Variants in OR5H1 observed in about 807,000 individuals in gnomAD.
OR5H1 encodes olfactory receptor 5H1.
For missense variants in OR5H1, 378 were observed against 366.8 expected, an observed-to-expected ratio of 1.03 and a Z score of -0.25; for synonymous variants, 124 against 134.4, an observed-to-expected ratio of 0.92 and a Z score of 0.54.
rs950867043 is a variant in OR5H1, at chr3:98,137,552, G to A, written c.*3913G>A. 2.6e-5 allele frequency: 4 copies of A among 152,166 alleles called. No individual in the cohort carries two copies. The highest frequency in any genetic ancestry group is 9.7e-5 in the African/African-American group (4 of 41,450). 9.4% of individuals were successfully genotyped at this position (152,166 alleles called of 1,614,324 possible). On this transcript the variant is annotated 3_prime_UTR_variant, in exon 2 of 2. Coordinates refer to ENST00000641874, the MANE Select transcript of OR5H1 (RefSeq NM_001005338.2). ...ATATACAATTTCATAATTCCTAGAA[G>A]TATGTGCTTTCCCATTATATAATTT... is the stretch of plus-strand genomic sequence containing the variant.
At position 98,133,455 on chromosome 3, in the gene OR5H1, G is replaced by A; in HGVS notation, c.758G>A (p.Gly253Glu). 2 of 1,612,954 alleles carry A rather than the reference G, an allele frequency of 1.2e-6. No homozygotes were observed. The highest frequency in any genetic ancestry group is 1.1e-5 in the South Asian group (1 of 91,044). The change falls in exon 2 of 2, where the codon GGA becomes GAA. Residue 253 changes from glycine (G) to glutamate (E), a missense_variant. Gly to Glu is a moderately conservative substitution (Grantham distance 98). Coordinates refer to ENST00000641874, the MANE Select transcript of OR5H1 (RefSeq NM_001005338.2). ...CTCTTCTCTGTCTCTTTATACTATG[G>A]ACCCCTTCTCTTCATTTATGTGGGC... ...AHLFSVSLYYGPLLFIYVGPA... is the reference protein window; with the variant it reads ...AHLFSVSLYYEPLLFIYVGPA...
rs1337948651 is a variant in OR5H1 at position 98,136,038 on chromosome 3, C to A, written c.*2399C>A. 1.3e-5 allele frequency: 2 copies of A among 152,166 alleles called. No homozygotes were observed. Among genetic ancestry groups the A allele is most frequent in the Non-Finnish European group, 2.9e-5 (2 of 68,010 alleles). The allele number at this position is 152,166 out of a possible 1,614,324, so 9.4% of individuals were successfully genotyped here. On this transcript the variant is annotated 3_prime_UTR_variant, in exon 2 of 2. Transcript: ENST00000641874. Reference sequence around the variant, plus strand: ...GACATTTATATCAAGTTGTCCAGCCCTAGCTTGTAGCGCTTCAGGAATAGG... The same window carrying A: ...GACATTTATATCAAGTTGTCCAGCCATAGCTTGTAGCGCTTCAGGAATAGG...
Position 98,132,998 on chromosome 3 carries a change from T to C in OR5H1, c.301T>C (p.Phe101Leu), listed in dbSNP as rs1336141756. The C allele has an allele frequency of 6.2e-7, 1 of 1,613,532 alleles. No individual in the cohort carries two copies. The highest frequency in any genetic ancestry group is 8.5e-7 in the Non-Finnish European group (1 of 1,179,622). ...MISLSECKIQ[F>L]FSFAISVTTE... ...ATCTCTCTCTGAATGCAAGATACAG[T>C]TTTTTTCGTTTGCAATCAGTGTAAC... Residue 101 changes from phenylalanine to leucine, a missense_variant, in exon 2 of 2, where the codon TTT (phenylalanine) becomes CTT (leucine). By Grantham distance (22) the Phe-to-Leu change is conservative. Transcript: ENST00000641874.
rs1195780153 is a variant in OR5H1 at position 98,136,190 on chromosome 3, G to A, written c.*2551G>A. 6.6e-6 allele frequency: 1 copy of A among 152,038 alleles called. No individual in the cohort carries two copies. Among genetic ancestry groups the A allele is most frequent in the Non-Finnish European group, 1.5e-5 (1 of 68,014 alleles). The allele number at this position is 152,038 out of a possible 1,614,324, so 9.4% of individuals were successfully genotyped here. ...CATAATCAGGCCATTTCTTTCAAAT[G>A]TAATTATAGTAAGACTAATTTATTT... is the stretch of plus-strand genomic sequence containing the variant. On this transcript the variant is annotated 3_prime_UTR_variant, in exon 2 of 2. Coordinates refer to ENST00000641874, the MANE Select transcript of OR5H1 (RefSeq NM_001005338.2).
At position 98,136,887 on chromosome 3, in the gene OR5H1, T is replaced by C. The variant is rs1708324123; in HGVS notation, c.*3248T>C. On this transcript the variant is annotated 3_prime_UTR_variant, in exon 2 of 2. Transcript: ENST00000641874. ...GGACATTTAAGCCTTGTTTTCTGTATAGCCTGCAGAATTGTTCTCCAAACA... is the reference window on the plus strand; with the variant it reads ...GGACATTTAAGCCTTGTTTTCTGTACAGCCTGCAGAATTGTTCTCCAAACA... The C allele has an allele frequency of 6.6e-6, 1 of 152,188 alleles. No homozygotes were observed. Among genetic ancestry groups the C allele is most frequent in the Non-Finnish European group, 1.5e-5 (1 of 68,026 alleles). The allele number at this position is 152,188 out of a possible 1,614,324, so 9.4% of individuals were successfully genotyped here.
In OR5H1 at chr3:98,133,034, T is replaced by A. The variant is rs759463472; in HGVS notation, c.337T>A (p.Phe113Ile). 1.9e-6 allele frequency: 3 copies of A among 1,613,618 alleles called. No individual in the cohort carries two copies. The highest frequency in any genetic ancestry group is 2.2e-5 in the South Asian group (2 of 91,068). Residue 113 changes from phenylalanine to isoleucine, a missense_variant, in exon 2 of 2, where the codon TTT becomes ATT. By Grantham distance (21) the Phe-to-Ile change is conservative. Coordinates refer to ENST00000641874, the MANE Select transcript of OR5H1 (RefSeq NM_001005338.2). ...TGCAATCAGTGTAACCACGGAATGTTTTCTCTTGGCAACGATGGCATATGA... is the reference window on the plus strand; with the variant it reads ...TGCAATCAGTGTAACCACGGAATGTATTCTCTTGGCAACGATGGCATATGA... The part of the protein sequence containing the change: ...SFAISVTTEC[F>I]LLATMAYDRY...
rs1484435263 is a variant in OR5H1 at position 98,134,961 on chromosome 3, T to C, written c.*1322T>C. The C allele has an allele frequency of 2.0e-5, 3 of 152,162 alleles. No homozygotes were observed. Among genetic ancestry groups the C allele is most frequent in the Admixed American group, 6.6e-5 (1 of 15,246 alleles). 9.4% of individuals were successfully genotyped at this position (152,162 alleles called of 1,614,324 possible). A position where few individuals can be genotyped will look rare whatever the true frequency, so the allele number is the denominator to read the frequency against. ...ATTGCTACCAGATTATATGCATGTA[T>C]GTTTTAGGTATCTTATATCTATATG... On this transcript the variant is annotated 3_prime_UTR_variant, in exon 2 of 2. Transcript: ENST00000641874.
intron 1 of OR5H1, 120 bp from the exon 2 acceptor site, chr3:98,132,560 A>G: frequency 9.3e-7 from 1 of 1,080,274 alleles, no homozygotes; most frequent in Non-Finnish European, 1.3e-6. Flanking sequence ...CAGCTATAGG[A>G]CTGATCAAAA....
intron 1 of OR5H1, 21 bp downstream of exon 1, chr3:98,130,871 C>T (rs1708248544): frequency 6.6e-6 from 1 of 152,026 alleles, no homozygotes; most frequent in African/African-American, 2.4e-5. Context: ...AATAACTTCT[C>T]TAATTTTTAT....
chr3:98,132,532 C>A, intron 1 of OR5H1, 148 bp from the exon 2 acceptor site: 1 of 864,780 alleles, frequency 1.2e-6, no homozygotes, highest in Non-Finnish European at 1.7e-6. Flanking sequence ...GTCTTTATTG[C>A]AACAAATAGA....
At position 98,136,073 on chromosome 3, in the gene OR5H1, A is replaced by T. The variant is rs1708314903; in HGVS notation, c.*2434A>T. 1 of 152,184 alleles carries T rather than the reference A, an allele frequency of 6.6e-6. No individual in the cohort carries two copies. Among genetic ancestry groups the T allele is most frequent in the Admixed American group, 6.5e-5 (1 of 15,268 alleles). The allele number at this position is 152,184 out of a possible 1,614,324, so 9.4% of individuals were successfully genotyped here. A position where few individuals can be genotyped will look rare whatever the true frequency, so the allele number is the denominator to read the frequency against. ...GCGCTTCAGGAATAGGACAGTTTCT[A>T]AGTAGATAATAAAACATCAAAGACA... On this transcript the variant is annotated 3_prime_UTR_variant, in exon 2 of 2. Transcript: ENST00000641874.
rs1307510550 is a variant in OR5H1, at chr3:98,136,411, C to G, written c.*2772C>G. On this transcript the variant is annotated 3_prime_UTR_variant, in exon 2 of 2. Transcript: ENST00000641874. ...ATTAGTTTCACCTGCAACACTGATA[C>G]ATTTAGGTAAACTCCCCTGTACTCA... 1.3e-5 allele frequency: 2 copies of G among 152,152 alleles called. No individual in the cohort carries two copies. Among genetic ancestry groups the G allele is most frequent in the Non-Finnish European group, 2.9e-5 (2 of 68,030 alleles). 9.4% of individuals were successfully genotyped at this position (152,152 alleles called of 1,614,324 possible).
chr3:98,137,177 A>G lies in OR5H1; in HGVS notation c.*3538A>G, dbSNP rs929569573. The G allele has an allele frequency of 2.6e-5, 4 of 152,196 alleles. No homozygotes were observed. The highest frequency in any genetic ancestry group is 1.3e-4 in the Admixed American group (2 of 15,282). The allele number at this position is 152,196 out of a possible 1,614,324, so 9.4% of individuals were successfully genotyped here. A position where few individuals can be genotyped will look rare whatever the true frequency, so the allele number is the denominator to read the frequency against. ...ATTGCAATCAAAATAAAAATGCTCA[A>G]TGATGATTTCTGAATTCTGGAGAGG... On this transcript the variant is annotated 3_prime_UTR_variant, in exon 2 of 2. Transcript: ENST00000641874.
At chr3:98,131,776 T>C (rs1434057421) in intron 1 of OR5H1, among the ~76,000 whole-genome samples, 2 of 152,008 alleles carry the variant, frequency 1.3e-5, no homozygotes, top group Non-Finnish European at 2.9e-5. Flanking sequence ...CATCTAGTTG[T>C]CCAGATGATG....
chr3:98,137,014 G>C lies in OR5H1; in HGVS notation c.*3375G>C, dbSNP rs1269806906. ...ATTGGATGCATAAAGTCAATTCTTAGTTTCTTAAAATTCTCCAGTCATATC... is the reference window on the plus strand; with the variant it reads ...ATTGGATGCATAAAGTCAATTCTTACTTTCTTAAAATTCTCCAGTCATATC... On this transcript the variant is annotated 3_prime_UTR_variant, in exon 2 of 2. Transcript: ENST00000641874. The C allele has an allele frequency of 6.6e-6, 1 of 152,090 alleles. No individual in the cohort carries two copies. Among genetic ancestry groups the C allele is most frequent in the Non-Finnish European group, 1.5e-5 (1 of 68,010 alleles). The allele number at this position is 152,090 out of a possible 1,614,324, so 9.4% of individuals were successfully genotyped here.
chr3:98,133,911 T>C lies in OR5H1; in HGVS notation c.*272T>C, dbSNP rs1224330769. The C allele has an allele frequency of 6.4e-6, 2 of 310,598 alleles. No homozygotes were observed. The highest frequency in any genetic ancestry group is 1.2e-5 in the Non-Finnish European group (2 of 166,758). 19.2% of individuals were successfully genotyped at this position (310,598 alleles called of 1,614,324 possible). ...ATGTTATTCAATGTGCATTTATAAA[T>C]GCATTAATTGCTAAAATAGCCTAGT... is the stretch of plus-strand genomic sequence containing the variant. On this transcript the variant is annotated 3_prime_UTR_variant, in exon 2 of 2. Transcript: ENST00000641874.
At position 98,136,413 on chromosome 3, in the gene OR5H1, T is replaced by A. The variant is rs1475782306; in HGVS notation, c.*2774T>A. ...TAGTTTCACCTGCAACACTGATACA[T>A]TTAGGTAAACTCCCCTGTACTCAAA... On this transcript the variant is annotated 3_prime_UTR_variant, in exon 2 of 2. Coordinates refer to ENST00000641874, the MANE Select transcript of OR5H1 (RefSeq NM_001005338.2). The A allele has an allele frequency of 6.6e-6, 1 of 152,128 alleles. No individual in the cohort carries two copies. Among genetic ancestry groups the A allele is most frequent in the Non-Finnish European group, 1.5e-5 (1 of 68,024 alleles). The allele number at this position is 152,128 out of a possible 1,614,324, so 9.4% of individuals were successfully genotyped here.
At position 98,135,460 on chromosome 3, in the gene OR5H1, T is replaced by G. The variant is rs1299600835; in HGVS notation, c.*1821T>G. 2 of 152,194 alleles carry G rather than the reference T, an allele frequency of 1.3e-5. No individual in the cohort carries two copies. Among genetic ancestry groups the G allele is most frequent in the Non-Finnish European group, 1.5e-5 (1 of 68,020 alleles). The allele number at this position is 152,194 out of a possible 1,614,324, so 9.4% of individuals were successfully genotyped here. A position where few individuals can be genotyped will look rare whatever the true frequency, so the allele number is the denominator to read the frequency against. Reference sequence around the variant, plus strand: ...CAGCCTCTCATTATGGGATATTGACTAAAACTCAGGCATACTTGCACTCTC... The same window carrying G: ...CAGCCTCTCATTATGGGATATTGACGAAAACTCAGGCATACTTGCACTCTC... On this transcript the variant is annotated 3_prime_UTR_variant, in exon 2 of 2. Coordinates refer to ENST00000641874, the MANE Select transcript of OR5H1 (RefSeq NM_001005338.2).
rs547953185 is a variant in OR5H1, at chr3:98,133,794, A to G, written c.*155A>G. 2 of 602,886 alleles carry G rather than the reference A, an allele frequency of 3.3e-6. No homozygotes were observed. The highest frequency in any genetic ancestry group is 3.1e-5 in the Admixed American group (1 of 32,740). The allele number at this position is 602,886 out of a possible 1,614,324, so 37.3% of individuals were successfully genotyped here. A position where few individuals can be genotyped will look rare whatever the true frequency, so the allele number is the denominator to read the frequency against. Reference sequence around the variant, plus strand: ...CTAATAAACTAATCGCAATATGTCTATATGTTATTCAAAAGCATTCAAGAA... The same window carrying G: ...CTAATAAACTAATCGCAATATGTCTGTATGTTATTCAAAAGCATTCAAGAA... On this transcript the variant is annotated 3_prime_UTR_variant, in exon 2 of 2. Transcript: ENST00000641874.
Sources: gnomAD v4.1 joint callset for allele counts (sites outside exome capture counted in the v4.1 genomes callset) on GRCh38, gnomAD v4.1.1 for gene constraint, MANE v1.5 for transcripts, NCBI Gene and HGNC (gene_info 2026-07-23, HGNC 2026-07-21) for gene names.